CYGB: variants seen among roughly 807,000 people sequenced by gnomAD.
CYGB encodes the protein histoglobin.
A neutral mutation model predicts 20.7 loss-of-function variants in CYGB; 13 were observed. The observed-to-expected ratio is 0.63, with a 90% confidence interval of 0.41 to 1.00. The LOEUF is 1.00. CYGB is among the 50% of genes least tolerant of loss of function. CYGB has a pLI of 0.00. For synonymous variants in CYGB, 93 were observed against 107.4 expected, an observed-to-expected ratio of 0.87 and a Z score of 0.83; for missense variants, 218 against 257.2, an observed-to-expected ratio of 0.85 and a Z score of 1.04.
At position 76,546,433 on chromosome 17, in the gene CYGB, TTGTGTGTGTGTGTGGTTTG is replaced by T. The variant is rs906923276; in HGVS notation, c.-53+4410_-53+4428del. ...GTACCCACCCATTCCAAGTGTGCGG[TTGTGTGTGTGTGTGGTTTG>T]TGTGTGTGTGTGTGTGTGTGCGCGC... On this transcript the variant is annotated intron_variant, in intron 1 of 3. Transcript: ENST00000589145. This position sits in a 1 kb window ranked among gnomAD's most constrained non-coding sequence, Gnocchi z 4.5. 1 of 19,052 alleles carries T rather than the reference TTGTGTGTGTGTGTGGTTTG, an allele frequency of 5.2e-5. No individual in the cohort carries two copies. The highest frequency in any genetic ancestry group is 1.9e-4 in the Non-Finnish European group (1 of 5,180). The allele number at this position is 19,052 out of a possible 1,614,324, so 1.2% of individuals were successfully genotyped here.
Position 76,530,502 on chromosome 17 carries a change from G to A in CYGB, c.539+477C>T, listed in dbSNP as rs914725647. ...TGTGTGTGTGTGTGTATGTGTCCTC[G>A]TGATCCTCCGGGCTCTAGCCCTATT... On this transcript the variant is annotated intron_variant, in intron 3 of 3. Transcript: ENST00000293230. This position sits in a 1 kb window ranked among gnomAD's most constrained non-coding sequence, Gnocchi z 6.1. 1.2e-4 allele frequency among the ~76,000 whole-genome samples: 18 copies of A among 152,148 alleles called. No homozygotes were observed. Among genetic ancestry groups the A allele is most frequent in the African/African-American group, 4.3e-4 (18 of 41,422 alleles).
chr17:76,543,458 T>C (rs1218897223), intron 1 of CYGB: 1 of 340,538 alleles, frequency 2.9e-6, no homozygotes, highest in Middle Eastern at 1.1e-3. Flanking sequence ...CCATTCATTC[T>C]GTAATTTAAT....
At chr17:76,538,340 C>A (rs2074947271), upstream of CYGB, 1 of 335,516 alleles carries the variant, frequency 3.0e-6, no homozygotes, top group Admixed American at 3.7e-5. Flanking sequence ...CGGGGGTCGT[C>A]CCCCTGCCCG....
At chr17:76,540,514 C>A, upstream of CYGB, 2 of 1,613,398 alleles carry the variant, frequency 1.2e-6, no homozygotes, top group Non-Finnish European at 1.7e-6. The surrounding 1 kb of genome is among the most constrained non-coding windows in gnomAD (Gnocchi z 5.0). Flanking sequence ...GAGAGCCCAG[C>A]GACGTGGATG....
At position 76,530,543 on chromosome 17, in the gene CYGB, T is replaced by G. The variant is rs2074824234; in HGVS notation, c.539+436A>C. 6.6e-6 allele frequency among the ~76,000 whole-genome samples: 1 copy of G among 152,154 alleles called. No homozygotes were observed. Among genetic ancestry groups the G allele is most frequent in the Non-Finnish European group, 1.5e-5 (1 of 68,004 alleles). On this transcript the variant is annotated intron_variant, in intron 3 of 3. Transcript: ENST00000293230. This position sits in a 1 kb window ranked among gnomAD's most constrained non-coding sequence, Gnocchi z 6.1. ...TAGCCCTATTGAGGCAGAGGGCATT[T>G]AGCAGCACTGGTCGGCATGAGATGA...
intron 1 of CYGB, chr17:76,544,464 G>C (rs760790445): frequency 2.2e-6 from 1 of 455,342 alleles, no homozygotes; most frequent in Non-Finnish European, 4.4e-6. Context: ...CTGGTACCTC[G>C]GGGAGCCTGG....
chr17:76,540,435 G>C (rs1598211555), upstream of CYGB: 3 of 1,545,066 alleles, frequency 1.9e-6, no homozygotes, highest in Non-Finnish European at 2.7e-6. The surrounding 1 kb of genome is among the most constrained non-coding windows in gnomAD (Gnocchi z 5.0). Context: ...AATGCGGCCT[G>C]GACCTGTGGA....
At chr17:76,538,510 A>C (rs528381608), upstream of CYGB, 1,432 of 467,148 alleles carry the variant, frequency 3.1e-3, 3 homozygotes, top group Non-Finnish European at 5.0e-3. Context: ...ACGGACAGGC[A>C]AGAACCAGCC....
rs752535991 is a variant in CYGB, at chr17:76,531,440, C to G, written c.375+20G>C. ...TGACGCGTGGGCGGTGGGGGCTCTGCAGCAGATGGGGGCGCATACCTTGAA... is the reference window on the plus strand; with the variant it reads ...TGACGCGTGGGCGGTGGGGGCTCTGGAGCAGATGGGGGCGCATACCTTGAA... On this transcript the variant is annotated intron_variant, in intron 2 of 3. Coordinates refer to ENST00000293230, the MANE Select transcript of CYGB (RefSeq NM_134268.5). This position sits in a 1 kb window ranked among gnomAD's most constrained non-coding sequence, Gnocchi z 7.4. 2 of 1,594,790 alleles carry G rather than the reference C, an allele frequency of 1.3e-6. No homozygotes were observed. Among genetic ancestry groups the G allele is most frequent in the African/African-American group, 2.7e-5 (2 of 74,616 alleles).
At chr17:76,540,971 G>C (rs1161152374), upstream of CYGB, among the ~76,000 whole-genome samples, 1 of 152,176 alleles carries the variant, frequency 6.6e-6, no homozygotes, top group Middle Eastern at 3.2e-3. This position sits in a 1 kb window ranked among gnomAD's most constrained non-coding sequence, Gnocchi z 5.0. Flanking sequence ...GGCTGCCTGA[G>C]CCTCCAGCAG....
chr17:76,530,919 CG>C lies in CYGB; in HGVS notation c.539+59del. Reference sequence around the variant, plus strand: ...GGGCCTCAGGAGATATGGGAGACCTCGGGGACAGCAGAGGACATGGCGGGGA... The same window carrying C: ...GGGCCTCAGGAGATATGGGAGACCTCGGGACAGCAGAGGACATGGCGGGGA... On this transcript the variant is annotated intron_variant, in intron 3 of 3. Coordinates refer to ENST00000293230, the MANE Select transcript of CYGB (RefSeq NM_134268.5). This position sits in a 1 kb window ranked among gnomAD's most constrained non-coding sequence, Gnocchi z 6.1. 1 of 1,499,246 alleles carries C rather than the reference CG, an allele frequency of 6.7e-7. No homozygotes were observed. The highest frequency in any genetic ancestry group is 8.9e-7 in the Non-Finnish European group (1 of 1,118,322). 92.9% of individuals were successfully genotyped at this position (1,499,246 alleles called of 1,614,324 possible). A position where few individuals can be genotyped will look rare whatever the true frequency, so the allele number is the denominator to read the frequency against.
chr17:76,531,393 G>A lies in CYGB; in HGVS notation c.375+67C>T. On this transcript the variant is annotated intron_variant, in intron 2 of 3. Transcript: ENST00000293230. The surrounding 1 kb of genome is among the most constrained non-coding windows in gnomAD (Gnocchi z 7.4). ...TGTTGCTCCAGAGAGCCGTCGCAGA[G>A]CCTGCGAGCTGCAGATGGCCATGAC... The A allele has an allele frequency of 6.5e-7, 1 of 1,545,276 alleles. No individual in the cohort carries two copies. The highest frequency in any genetic ancestry group is 1.2e-5 in the South Asian group (1 of 84,924).
At position 76,528,178 on chromosome 17, in the gene CYGB, A is replaced by G. The variant is rs1325657677; in HGVS notation, c.*400T>C. On this transcript the variant is annotated 3_prime_UTR_variant, in exon 4 of 4. Transcript: ENST00000293230. This position sits in a 1 kb window ranked among gnomAD's most constrained non-coding sequence, Gnocchi z 5.8. The stretch of plus-strand genomic sequence containing the variant: ...GCTCGTATATAGAATATATCTGTAT[A>G]TATGGTAGATGTGTGCGTGATACTC... The G allele has an allele frequency of 5.1e-6, 2 of 396,036 alleles. No homozygotes were observed. The highest frequency in any genetic ancestry group is 7.2e-5 in the East Asian group (2 of 27,896). 24.5% of individuals were successfully genotyped at this position (396,036 alleles called of 1,614,324 possible).
In CYGB at chr17:76,528,619, C is replaced by T. The variant is rs376439431; in HGVS notation, c.540-8G>A. 19 of 1,274,398 alleles carry T rather than the reference C, an allele frequency of 1.5e-5. No homozygotes were observed. The highest frequency in any genetic ancestry group is 3.9e-5 in the Admixed American group (1 of 25,794). The allele number at this position is 1,274,398 out of a possible 1,614,324, so 78.9% of individuals were successfully genotyped here. A position where few individuals can be genotyped will look rare whatever the true frequency, so the allele number is the denominator to read the frequency against. The stretch of plus-strand genomic sequence containing the variant: ...GGCAGTGTGGCCGGTGGGCTGTGGA[C>T]GAGATAGGAAGGGAAGGACAAACGT... On this transcript the variant is annotated splice_region_variant and splice_polypyrimidine_tract_variant and intron_variant, in intron 3 of 3. Coordinates refer to ENST00000293230, the MANE Select transcript of CYGB (RefSeq NM_134268.5). The surrounding 1 kb of genome is among the most constrained non-coding windows in gnomAD (Gnocchi z 5.8).
intron 1 of CYGB, among the ~76,000 whole-genome samples, chr17:76,548,539 C>A (rs1215185572): frequency 6.6e-6 from 1 of 152,222 alleles, no homozygotes; most frequent in Non-Finnish European, 1.5e-5. Flanking sequence ...CCAACCCTGC[C>A]TGTCCCTGTG....
chr17:76,543,814 C>T (rs1438872008), intron 1 of CYGB: 1 of 470,964 alleles, frequency 2.1e-6, no homozygotes, highest in African/African-American at 2.0e-5. Context: ...TCCCAGAGCT[C>T]ATCCTGTCAC....
chr17:76,548,202 TACAG>T (rs1300549584), intron 1 of CYGB, among the ~76,000 whole-genome samples: 2 of 151,226 alleles, frequency 1.3e-5, no homozygotes, highest in African/African-American at 2.4e-5. Flanking sequence ...TTTACACACA[TACAG>T]ACATATACAC....
chr17:76,529,631 C>T (rs2074810603), intron 3 of CYGB: 1 of 985,386 alleles, frequency 1.0e-6, no homozygotes, highest in Non-Finnish European at 1.2e-6. Context: ...GCAGCAGAGC[C>T]TGCGTGGGGA....
chr17:76,535,908 G>A (rs1475651566), intron 1 of CYGB, among the ~76,000 whole-genome samples: 8 of 152,196 alleles, frequency 5.3e-5, no homozygotes, highest in Admixed American at 3.9e-4. Flanking sequence ...ACCCTGCCTC[G>A]CTTCTTCATG....
Sources: allele counts gnomAD v4.1 joint callset (sites outside exome capture counted in the v4.1 genomes callset), GRCh38; gene constraint gnomAD v4.1.1; non-coding constraint Gnocchi (gnomAD v3.1); transcripts MANE v1.5; gene names NCBI Gene and HGNC (gene_info 2026-07-23, HGNC 2026-07-21).